Variants in LUZP2 observed in about 807,000 individuals in gnomAD.
LUZP2 encodes the protein leucine zipper protein 2.
LUZP2 carries 52 observed loss-of-function variants against 51.6 expected under a neutral mutation model. That is an observed-to-expected ratio of 1.01 (90% confidence interval 0.81 to 1.27). The LOEUF (loss-of-function observed/expected upper bound fraction) is 1.27. LUZP2 is among the 50% of genes most tolerant of loss of function. The pLI, the probability that LUZP2 is intolerant of heterozygous loss-of-function variation, is 0.00. For missense variants in LUZP2, 436 were observed against 395.4 expected, an observed-to-expected ratio of 1.10 and a Z score of -0.87; for synonymous variants, 154 against 137.3, an observed-to-expected ratio of 1.12 and a Z score of -0.85.
chr11:24,514,435 G>A (rs1261635920), intron 1 of LUZP2, among the ~76,000 whole-genome samples: 1 of 152,170 alleles, frequency 6.6e-6, no homozygotes, highest in African/African-American at 2.4e-5. Context: ...AGCTGAGAAG[G>A]AGAGCAGCCC....
At chr11:24,802,834 A>G (rs781179687) in intron 5 of LUZP2, among the ~76,000 whole-genome samples, 6 of 152,104 alleles carry the variant, frequency 3.9e-5, no homozygotes, top group Non-Finnish European at 8.8e-5. Flanking sequence ...TGATTAAGTC[A>G]TGAGTACTCC....
intron 9 of LUZP2, among the ~76,000 whole-genome samples, chr11:25,007,876 C>A (rs1856876329): frequency 6.6e-6 from 1 of 152,076 alleles, no homozygotes; most frequent in African/African-American, 2.4e-5. Flanking sequence ...TAAGTTAGTA[C>A]TAACATTGGT....
At chr11:24,683,343 C>T (rs1856805090) in intron 1 of LUZP2, among the ~76,000 whole-genome samples, 1 of 152,130 alleles carries the variant, frequency 6.6e-6, no homozygotes, top group African/African-American at 2.4e-5. Context: ...GTAGGTAGTA[C>T]AGAAGATCAG....
intron 1 of LUZP2, among the ~76,000 whole-genome samples, chr11:24,714,567 T>G (rs974250405): frequency 2.6e-5 from 4 of 152,058 alleles, no homozygotes; most frequent in Non-Finnish European, 4.4e-5. Context: ...AGAAAAATGA[T>G]AGTAAAAATC....
chr11:25,022,901 G>A (rs1380856706), intron 9 of LUZP2, among the ~76,000 whole-genome samples: 1 of 152,086 alleles, frequency 6.6e-6, no homozygotes, highest in African/African-American at 2.4e-5. Flanking sequence ...TGTCTATTGA[G>A]ATAATCATGT....
At chr11:24,806,172 T>C (rs1396941505) in intron 5 of LUZP2, among the ~76,000 whole-genome samples, 1 of 152,208 alleles carries the variant, frequency 6.6e-6, no homozygotes, top group Non-Finnish European at 1.5e-5. Context: ...GGACTTTTCT[T>C]ATTTTATCAT....
chr11:24,923,902 C>T (rs1169544503), intron 7 of LUZP2, among the ~76,000 whole-genome samples: 2 of 152,108 alleles, frequency 1.3e-5, no homozygotes, highest in South Asian at 2.1e-4. Context: ...TTCCTCTACT[C>T]TGTGTTTACT....
rs769138465 is a variant in LUZP2, at chr11:24,729,135, TG to T, written c.63-28del. The T allele has an allele frequency of 9.3e-6, 11 of 1,180,976 alleles. No individual in the cohort carries two copies. The East Asian group carries it at 1.6e-4, about 17-fold the overall frequency. The allele number at this position is 1,180,976 out of a possible 1,614,324, so 73.2% of individuals were successfully genotyped here. ...ATGACTGATGCCAAGTGGAACCATTTGGGGGGCTCTCATGCCTGTTCTTTCT... is the reference window on the plus strand; with the variant it reads ...ATGACTGATGCCAAGTGGAACCATTTGGGGGCTCTCATGCCTGTTCTTTCT... On this transcript the variant is annotated intron_variant, in intron 1 of 11. Transcript: ENST00000336930.
chr11:24,570,074 C>T (rs1221030746), intron 1 of LUZP2, among the ~76,000 whole-genome samples: 1 of 151,958 alleles, frequency 6.6e-6, no homozygotes, highest in East Asian at 1.9e-4. Flanking sequence ...ATGAGATGAA[C>T]ATAACCTTTT....
intron 5 of LUZP2, among the ~76,000 whole-genome samples, chr11:24,775,614 G>C (rs966293799): frequency 4.6e-5 from 7 of 152,044 alleles, no homozygotes; most frequent in African/African-American, 1.7e-4. Context: ...CATTTTATTT[G>C]CTGCTTTTAT....
intron 9 of LUZP2, among the ~76,000 whole-genome samples, chr11:25,000,296 CT>C (rs1448558323): frequency 6.6e-6 from 1 of 152,170 alleles, no homozygotes; most frequent in African/African-American, 2.4e-5. Context: ...AATCCTCCCT[CT>C]AAACAGGACA....
intron 1 of LUZP2, among the ~76,000 whole-genome samples, chr11:24,594,590 G>A (rs757661962): frequency 7.2e-5 from 11 of 151,982 alleles, no homozygotes; most frequent in Non-Finnish European, 1.5e-4. Context: ...CAAATGAACT[G>A]TAATAAATCC....
At chr11:24,778,331 C>G (rs1848999663) in intron 5 of LUZP2, among the ~76,000 whole-genome samples, 1 of 152,162 alleles carries the variant, frequency 6.6e-6, no homozygotes, top group Non-Finnish European at 1.5e-5. Context: ...GAAGGGATCT[C>G]TTGAACCTAA....
intron 5 of LUZP2, among the ~76,000 whole-genome samples, chr11:24,876,455 A>G (rs909396840): frequency 1.3e-5 from 2 of 148,880 alleles, no homozygotes; most frequent in Admixed American, 6.8e-5. Context: ...CCATTGATCT[A>G]TATCTCTATT....
At chr11:24,932,944 C>G (rs1339993125) in intron 7 of LUZP2, among the ~76,000 whole-genome samples, 1 of 152,162 alleles carries the variant, frequency 6.6e-6, no homozygotes, top group Non-Finnish European at 1.5e-5. Flanking sequence ...CCCTGTGAGA[C>G]CATGTCAGAA....
intron 3 of LUZP2, among the ~76,000 whole-genome samples, chr11:24,735,776 G>T (rs1858916454): frequency 6.6e-6 from 1 of 151,870 alleles, no homozygotes; most frequent in Admixed American, 6.6e-5. Flanking sequence ...CTCGAGCCAG[G>T]AATTTTTTAG....
chr11:24,606,603 T>TG (rs1853926826), intron 1 of LUZP2, among the ~76,000 whole-genome samples: 1 of 151,952 alleles, frequency 6.6e-6, no homozygotes, highest in Admixed American at 6.6e-5. Flanking sequence ...GCAGTGAACA[T>TG]GGGGGTGAGG....
rs148090871 is a variant in LUZP2, at chr11:25,001,647, T to C, written c.765+18354T>C. ...ATAGGTTTTAAATTTATCCTGGCTTTTAAAGGAATAGGGTACACTGTTTTT... is the reference window on the plus strand; with the variant it reads ...ATAGGTTTTAAATTTATCCTGGCTTCTAAAGGAATAGGGTACACTGTTTTT... On this transcript the variant is annotated intron_variant, in intron 9 of 11. Transcript: ENST00000336930. 6.5e-3 allele frequency among the ~76,000 whole-genome samples: 997 copies of C among 152,292 alleles called. 29 individuals carry two copies. The East Asian group carries it at 0.092, about 14-fold the overall frequency.
chr11:24,970,036 T>C (rs1292657303), intron 7 of LUZP2, among the ~76,000 whole-genome samples: 1 of 152,210 alleles, frequency 6.6e-6, no homozygotes, highest in Non-Finnish European at 1.5e-5. Flanking sequence ...TTTACCGAGC[T>C]GAATTATAAA....
Sources: gnomAD v4.1 joint callset for allele counts (sites outside exome capture counted in the v4.1 genomes callset) on GRCh38, gnomAD v4.1.1 for gene constraint, MANE v1.5 for transcripts, NCBI Gene and HGNC (gene_info 2026-07-23, HGNC 2026-07-21) for gene names.